The following CLIP1 variants were observed in gnomAD, a reference collection of about 807,000 sequenced individuals.
CLIP1 encodes CAP-Gly domain containing linker protein 1, also known as CAP-Gly domain-containing linker protein 1.
Under a neutral mutation model 161.6 loss-of-function variants are expected in CLIP1, and 66 were observed. The ratio of observed to expected loss-of-function variants is 0.41; its 90% CI spans 0.33 to 0.50. The LOEUF is 0.50. Ranked by LOEUF, CLIP1 falls within the 20% of genes least tolerant of loss-of-function variation. The probability of loss-of-function intolerance (pLI) is 0.27; values close to 1 mark genes in which losing one functional copy is unlikely to be tolerated. For synonymous variants in CLIP1, 598 were observed against 626.2 expected (o/e 0.96, Z 0.67); for missense variants, 1,376 against 1,702.0 (o/e 0.81, Z 3.37).
intron 1 of CLIP1, among the ~76,000 whole-genome samples, chr12:122,390,858 G>A (rs187108137): frequency 6.6e-6 from 1 of 151,836 alleles, no homozygotes; most frequent in East Asian, 1.9e-4. Context: ...GTCAAAAACA[G>A]CTACTGCTTT....
At chr12:122,320,235 C>G (rs1951437622) in intron 17 of CLIP1, among the ~76,000 whole-genome samples, 1 of 150,304 alleles carries the variant, frequency 6.7e-6, no homozygotes, top group Non-Finnish European at 1.5e-5. Context: ...CCACTGCACT[C>G]CAGCCTGGCG....
At position 122,272,759 on chromosome 12, in the gene CLIP1, T is replaced by C; in HGVS notation, c.*116A>G. 2.4e-6 allele frequency: 2 copies of C among 845,130 alleles called. No homozygotes were observed. Among genetic ancestry groups the C allele is most frequent in the Non-Finnish European group, 3.9e-6 (2 of 519,174 alleles). The allele number at this position is 845,130 out of a possible 1,614,324, so 52.4% of individuals were successfully genotyped here. ...AGATCAAAATATTTTCCTAGATTTG[T>C]TGACGGGGTTAAAAAATAACATGAG... On this transcript the variant is annotated 3_prime_UTR_variant, in exon 26 of 26. Transcript: ENST00000620786.
intron 4 of CLIP1, among the ~76,000 whole-genome samples, 154 bp downstream of exon 4, chr12:122,363,829 T>A (rs1249662226): frequency 6.6e-6 from 1 of 152,040 alleles, no homozygotes; most frequent in Non-Finnish European, 1.5e-5. Flanking sequence ...CCAATTTTAG[T>A]GTGGGGAAAA....
intron 20 of CLIP1, among the ~76,000 whole-genome samples, chr12:122,292,386 G>A (rs1950285007): frequency 6.6e-6 from 1 of 152,096 alleles, no homozygotes; most frequent in South Asian, 2.1e-4. Flanking sequence ...TATTTATTTT[G>A]ATGCTCGAAT....
chr12:122,364,371 T>C lies in CLIP1; in HGVS notation c.658-264A>G, dbSNP rs146423444. ...TCTAATATGCAGTCATTAAGGCTGTTCACCAAGTTCATTATTGCTTTTCTT... is the reference window on the plus strand; with the variant it reads ...TCTAATATGCAGTCATTAAGGCTGTCCACCAAGTTCATTATTGCTTTTCTT... On this transcript the variant is annotated intron_variant, in intron 3 of 25. Coordinates refer to ENST00000620786, the MANE Select transcript of CLIP1 (RefSeq NM_001247997.2). Among the ~76,000 whole-genome samples the C allele has an allele frequency of 2.5e-3, 383 of 151,992 alleles. 4 individuals are homozygous for C. Among genetic ancestry groups the C allele is most frequent in the African/African-American group, 8.8e-3 (366 of 41,484 alleles).
chr12:122,355,585 G>A lies in CLIP1; in HGVS notation c.1006-273C>T. ...GCACTTCAGGAGGCCAAGGCGGGTG[G>A]ATCACTTGAGGCCAGGAGTTTGAGA... On this transcript the variant is annotated intron_variant, in intron 5 of 25. Coordinates refer to ENST00000620786, the MANE Select transcript of CLIP1 (RefSeq NM_001247997.2). This position sits in a 1 kb window ranked among gnomAD's most constrained non-coding sequence, Gnocchi z 4.1. 1 of 367,074 alleles carries A rather than the reference G, an allele frequency of 2.7e-6. No homozygotes were observed. Among genetic ancestry groups the A allele is most frequent in the Non-Finnish European group, 5.0e-6 (1 of 199,280 alleles). The allele number at this position is 367,074 out of a possible 1,614,324, so 22.7% of individuals were successfully genotyped here. A position where few individuals can be genotyped will look rare whatever the true frequency, so the allele number is the denominator to read the frequency against.
chr12:122,330,048 T>A lies in CLIP1; in HGVS notation c.2868-1622A>T, dbSNP rs1446608011. Among the ~76,000 whole-genome samples, 3 of 151,692 alleles carry A rather than the reference T, an allele frequency of 2.0e-5. No individual in the cohort carries two copies. In the East Asian group the frequency reaches 5.8e-4, roughly 29 times the overall value. On this transcript the variant is annotated intron_variant, in intron 15 of 25. Transcript: ENST00000620786. ...AGGAGAATCACTTGAACCCAGAAGG[T>A]GGAGGTTGCGGTGACCCAAGATCAC...
intron 3 of CLIP1, among the ~76,000 whole-genome samples, chr12:122,374,893 C>T (rs2136750582): frequency 6.6e-6 from 1 of 152,264 alleles, no homozygotes; most frequent in East Asian, 1.9e-4. Flanking sequence ...CAAGTCACCT[C>T]CTCATATATG....
chr12:122,355,477 G>T lies in CLIP1; in HGVS notation c.1006-165C>A. 1.6e-6 allele frequency: 1 copy of T among 610,146 alleles called. No individual in the cohort carries two copies. 37.8% of individuals were successfully genotyped at this position (610,146 alleles called of 1,614,324 possible). ...CTTCCTCAAAAACACAAGACAGTGTGTGCCTTCTGTCTATAAATCTCACAA... is the reference window on the plus strand; with the variant it reads ...CTTCCTCAAAAACACAAGACAGTGTTTGCCTTCTGTCTATAAATCTCACAA... On this transcript the variant is annotated intron_variant, in intron 5 of 25. Transcript: ENST00000620786. This position sits in a 1 kb window ranked among gnomAD's most constrained non-coding sequence, Gnocchi z 4.1.
At chr12:122,413,496 T>G (rs2137184971) in intron 1 of CLIP1, among the ~76,000 whole-genome samples, 1 of 152,310 alleles carries the variant, frequency 6.6e-6, no homozygotes, top group East Asian at 1.9e-4. Flanking sequence ...AGAGTTAAAC[T>G]GGGATCTATC....
At position 122,334,844 on chromosome 12, in the gene CLIP1, A is replaced by G. The variant is rs188089052; in HGVS notation, c.2569-139T>C. The G allele has an allele frequency of 7.8e-6, 5 of 638,156 alleles. No individual in the cohort carries two copies. In the East Asian group the frequency reaches 1.1e-4, roughly 14 times the overall value. The allele number at this position is 638,156 out of a possible 1,614,324, so 39.5% of individuals were successfully genotyped here. A position where few individuals can be genotyped will look rare whatever the true frequency, so the allele number is the denominator to read the frequency against. The stretch of plus-strand genomic sequence containing the variant: ...ATTAAAACTAATACACCTCAAACAT[A>G]TGACACCAATTACTACATGTGGGTC... On this transcript the variant is annotated intron_variant, in intron 12 of 25. Coordinates refer to ENST00000620786, the MANE Select transcript of CLIP1 (RefSeq NM_001247997.2).
intron 1 of CLIP1, among the ~76,000 whole-genome samples, chr12:122,386,591 A>G (rs1160320761): frequency 6.6e-6 from 1 of 152,132 alleles, no homozygotes; most frequent in Non-Finnish European, 1.5e-5. Flanking sequence ...GACCAAAGAG[A>G]ATAGTGTCTT....
chr12:122,354,332 T>A, intron 7 of CLIP1, 121 bp downstream of exon 7: 1 of 612,930 alleles, frequency 1.6e-6, no homozygotes, highest in Non-Finnish European at 2.9e-6. Context: ...GAGGCAGAGG[T>A]TGTAGTGAGC....
At chr12:122,395,174 C>G (rs1955861959) in intron 1 of CLIP1, among the ~76,000 whole-genome samples, 1 of 152,148 alleles carries the variant, frequency 6.6e-6, no homozygotes, top group Non-Finnish European at 1.5e-5. Context: ...GCAAATAGAG[C>G]TACTGACTAA....
chr12:122,285,718 C>T (rs1955823778), intron 21 of CLIP1, among the ~76,000 whole-genome samples: 1 of 150,742 alleles, frequency 6.6e-6, no homozygotes, highest in African/African-American at 2.4e-5. Context: ...CTCAACTGAT[C>T]CTCCCTTTTT....
rs142083104 is a variant in CLIP1, at chr12:122,331,852, G to A, written c.2867+1135C>T. On this transcript the variant is annotated intron_variant, in intron 15 of 25. Coordinates refer to ENST00000620786, the MANE Select transcript of CLIP1 (RefSeq NM_001247997.2). ...TTTACTATAAATACAAAAATCAGCC[G>A]GGTGTGGTGGCACGTGCCTGTAGTC... is the stretch of plus-strand genomic sequence containing the variant. Among the ~76,000 whole-genome samples the A allele has an allele frequency of 1.1e-4, 16 of 151,718 alleles. No homozygotes were observed. In the East Asian group the frequency reaches 2.7e-3, roughly 26 times the overall value.
At chr12:122,410,190 C>G (rs1956477379) in intron 1 of CLIP1, among the ~76,000 whole-genome samples, 1 of 151,832 alleles carries the variant, frequency 6.6e-6, no homozygotes, top group African/African-American at 2.4e-5. Context: ...TGCTCTTAAT[C>G]TGCAATCCAT....
At chr12:122,301,999 CAG>C (rs1950698392) in intron 20 of CLIP1, among the ~76,000 whole-genome samples, 1 of 152,140 alleles carries the variant, frequency 6.6e-6, no homozygotes, top group Non-Finnish European at 1.5e-5. Flanking sequence ...TGTGGTGCAG[CAG>C]AGTTTTTTTT....
chr12:122,354,058 C>G (rs892862324), intron 7 of CLIP1, among the ~76,000 whole-genome samples: 1 of 152,018 alleles, frequency 6.6e-6, no homozygotes, highest in Non-Finnish European at 1.5e-5. Context: ...AGGGTTGATA[C>G]CAACATGATT....
Sources: gnomAD v4.1 joint callset for allele counts (sites outside exome capture counted in the v4.1 genomes callset) on GRCh38, gnomAD v4.1.1 for gene constraint, Gnocchi (gnomAD v3.1) non-coding constraint, MANE v1.5 for transcripts, NCBI Gene and HGNC (gene_info 2026-07-23, HGNC 2026-07-21) for gene names.